Variants in JAKMIP1 observed in about 807,000 individuals in gnomAD.
JAKMIP1 encodes the protein janus kinase and microtubule-interacting protein 1.
Under a neutral mutation model 113.0 loss-of-function variants are expected in JAKMIP1, and 33 were observed. The observed-to-expected ratio is 0.29, with a 90% CI of 0.22 to 0.39. The LOEUF (loss-of-function observed/expected upper bound fraction) is 0.39. Among genes scored for constraint, JAKMIP1 ranks in the 10% least tolerant of loss-of-function variants. The pLI is 1.00. For synonymous variants in JAKMIP1, 480 were observed against 459.9 expected, an observed-to-expected ratio of 1.04 and a Z score of -0.56; for missense variants, 813 against 1,080.5, an observed-to-expected ratio of 0.75 and a Z score of 3.47.
At position 6,142,393 on chromosome 4, in the gene JAKMIP1, C is replaced by T. The variant is rs559647389; in HGVS notation, c.-147-29396G>A. ...GCAGTTTCTCGTGTTCTGTCCTTCCCGAGTCCAGTGTTTTTTAAACGACTG... is the reference window on the plus strand; with the variant it reads ...GCAGTTTCTCGTGTTCTGTCCTTCCTGAGTCCAGTGTTTTTTAAACGACTG... On this transcript the variant is annotated intron_variant, in intron 1 of 20. Transcript: ENST00000409021. This position sits in a 1 kb window ranked among gnomAD's most constrained non-coding sequence, Gnocchi z 5.5. Among the ~76,000 whole-genome samples, 8 of 152,204 alleles carry T rather than the reference C, an allele frequency of 5.3e-5. No individual in the cohort carries two copies. The highest frequency in any genetic ancestry group is 2.0e-4 in the Admixed American group (3 of 15,284).
At chr4:6,047,991 G>C (rs1284445647) in intron 16 of JAKMIP1, among the ~76,000 whole-genome samples, 1 of 152,168 alleles carries the variant, frequency 6.6e-6, no homozygotes, top group East Asian at 1.9e-4. Flanking sequence ...TTTGTCAAAT[G>C]AATGAATGGA....
intron 1 of JAKMIP1, among the ~76,000 whole-genome samples, chr4:6,174,864 C>T (rs1725155810): frequency 6.6e-6 from 1 of 152,118 alleles, no homozygotes; most frequent in Non-Finnish European, 1.5e-5. Context: ...TGGCCCCTTC[C>T]TCACCCTCTG....
At position 6,064,116 on chromosome 4, in the gene JAKMIP1, T is replaced by C. The variant is rs1338403040; in HGVS notation, c.1431+764A>G. 1.3e-5 allele frequency among the ~76,000 whole-genome samples: 2 copies of C among 152,224 alleles called. No individual in the cohort carries two copies. Reference sequence around the variant, plus strand: ...AAGGTAGGGAAACAGCAGCCAAGCCTGACGCAGGCCCTGGTGGGGAGCAAG... The same window carrying C: ...AAGGTAGGGAAACAGCAGCCAAGCCCGACGCAGGCCCTGGTGGGGAGCAAG... On this transcript the variant is annotated intron_variant, in intron 9 of 20. Coordinates refer to ENST00000409021, the MANE Select transcript of JAKMIP1 (RefSeq NM_001099433.2). The surrounding 1 kb of genome is among the most constrained non-coding windows in gnomAD (Gnocchi z 4.3).
At chr4:6,035,480 C>T (rs1446430822) in intron 19 of JAKMIP1, among the ~76,000 whole-genome samples, 3 of 152,278 alleles carry the variant, frequency 2.0e-5, no homozygotes, top group Admixed American at 6.5e-5. Context: ...CAACATCGAA[C>T]CTTGGAAGAC....
intron 1 of JAKMIP1, among the ~76,000 whole-genome samples, chr4:6,152,103 AGAAGGGAGAGAG>A (rs1721635628): frequency 6.6e-6 from 1 of 151,370 alleles, no homozygotes; most frequent in African/African-American, 2.4e-5. Context: ...AGGGGAAGGA[AGAAGGGAGAGAG>A]GAAGGAAGAG....
In JAKMIP1 at chr4:6,155,846, C is replaced by T. The variant is rs74738226; in HGVS notation, c.-147-42849G>A. On this transcript the variant is annotated intron_variant, in intron 1 of 20. Transcript: ENST00000409021. The surrounding 1 kb of genome is among the most constrained non-coding windows in gnomAD (Gnocchi z 6.1). Reference sequence around the variant, plus strand: ...AACATGCAGCCTTCCTGGGTCCTGCCCTAGACCTCATGAATGGCACTCTCT... The same window carrying T: ...AACATGCAGCCTTCCTGGGTCCTGCTCTAGACCTCATGAATGGCACTCTCT... Among the ~76,000 whole-genome samples the T allele has an allele frequency of 0.063, 9,570 of 152,122 alleles. 441 individuals carry two copies. Among genetic ancestry groups the T allele is most frequent in the Admixed American group, 0.14 (2,205 of 15,292 alleles).
Position 6,112,718 on chromosome 4 carries a change from C to T in JAKMIP1, c.129+4G>A. The stretch of plus-strand genomic sequence containing the variant: ...GCCGCTGCTGAGCTGACGCCAACCC[C>T]CACCTTGCTTTTTTCCTGCTGGAAC... On this transcript the variant is annotated splice_donor_region_variant and intron_variant, in intron 2 of 20. Coordinates refer to ENST00000409021, the MANE Select transcript of JAKMIP1 (RefSeq NM_001099433.2). The T allele has an allele frequency of 2.5e-6, 4 of 1,613,500 alleles. No individual in the cohort carries two copies. Among genetic ancestry groups the T allele is most frequent in the Non-Finnish European group, 3.4e-6 (4 of 1,179,854 alleles).
In JAKMIP1 at chr4:6,167,177, G is replaced by C. The variant is rs1446380226; in HGVS notation, c.-148+33076C>G. On this transcript the variant is annotated intron_variant, in intron 1 of 20. Transcript: ENST00000409021. The surrounding 1 kb of genome is among the most constrained non-coding windows in gnomAD (Gnocchi z 5.3). ...CCTTCCAGGGCCCTGCCTCCGCAAA[G>C]AGCACGATGTTCTGGCCACTCATCC... 2.0e-5 allele frequency among the ~76,000 whole-genome samples: 3 copies of C among 152,128 alleles called. 1 individual carries two copies. The East Asian group carries it at 5.8e-4, about 29-fold the overall frequency.
chr4:6,112,913 G>A lies in JAKMIP1; in HGVS notation c.-63C>T, dbSNP rs560615118. 30 of 1,573,052 alleles carry A rather than the reference G, an allele frequency of 1.9e-5. No homozygotes were observed. The South Asian group carries it at 3.2e-4, about 17-fold the overall frequency. ...CACACCTGTTCACGCACGCCAGCCA[G>A]CAGGCGTGGCTACCAGCTCCACCGT... is the stretch of plus-strand genomic sequence containing the variant. On this transcript the variant is annotated 5_prime_UTR_variant, in exon 2 of 21. Transcript: ENST00000409021.
At chr4:6,098,261 T>C (rs542622754) in intron 3 of JAKMIP1, among the ~76,000 whole-genome samples, 88 of 152,112 alleles carry the variant, frequency 5.8e-4, no homozygotes, top group Non-Finnish European at 1.1e-3. Context: ...CGAAGCCCTG[T>C]CTCTACTAAA....
Position 6,054,119 on chromosome 4 carries a change from C to A in JAKMIP1, c.1737G>T (p.Gln579His). 1 of 1,614,178 alleles carries A rather than the reference C, an allele frequency of 6.2e-7. No homozygotes were observed. The highest frequency in any genetic ancestry group is 8.5e-7 in the Non-Finnish European group (1 of 1,180,008). The change falls in exon 13 of 21, where the codon CAG becomes CAT. Residue 579 changes from glutamine to histidine, a missense_variant. Transcript: ENST00000409021. ...TGGCGTCTTGCATTTCATTCTTCAGCTGGTTCTCTTCCATTTCCAGTCTGT... is the reference window on the plus strand; with the variant it reads ...TGGCGTCTTGCATTTCATTCTTCAGATGGTTCTCTTCCATTTCCAGTCTGT... ...KIYRLEMEEN[Q>H]LKNEMQDAKD...
In JAKMIP1 at chr4:6,033,076, CT is replaced by C. The variant is rs1181774254; in HGVS notation, c.2379+2827del. ...ACTCCAACCTTCACTCAGGCAGAAC[CT>C]TTTACAAAAGTGCAGAATCATTCCG... is the stretch of plus-strand genomic sequence containing the variant. On this transcript the variant is annotated intron_variant, in intron 19 of 20. Transcript: ENST00000409021. Among the ~76,000 whole-genome samples, 4 of 152,336 alleles carry C rather than the reference CT, an allele frequency of 2.6e-5. No homozygotes were observed. In the East Asian group the frequency reaches 7.7e-4, roughly 29 times the overall value.
intron 19 of JAKMIP1, among the ~76,000 whole-genome samples, chr4:6,032,129 T>C (rs1018832937): frequency 2.0e-5 from 3 of 152,154 alleles, no homozygotes; most frequent in Non-Finnish European, 4.4e-5. Context: ...GATCTCTCTG[T>C]GTCTGGACCC....
At position 6,150,614 on chromosome 4, in the gene JAKMIP1, G is replaced by C. The variant is rs965534329; in HGVS notation, c.-147-37617C>G. On this transcript the variant is annotated intron_variant, in intron 1 of 20. Transcript: ENST00000409021. This position sits in a 1 kb window ranked among gnomAD's most constrained non-coding sequence, Gnocchi z 4.8. ...CTCCTGACCTTCATGAACAGACCAC[G>C]GGGCCGGCAGCACCTGCATCAGCGT... 2 of 152,184 alleles carry C rather than the reference G, an allele frequency of 1.3e-5. No individual in the cohort carries two copies. Among genetic ancestry groups the C allele is most frequent in the Middle Eastern group, 3.2e-3 (1 of 316 alleles). The allele number at this position is 152,184 out of a possible 1,614,324, so 9.4% of individuals were successfully genotyped here. A position where few individuals can be genotyped will look rare whatever the true frequency, so the allele number is the denominator to read the frequency against.
intron 1 of JAKMIP1, among the ~76,000 whole-genome samples, chr4:6,122,314 A>G (rs1716831648): frequency 6.6e-6 from 1 of 152,122 alleles, no homozygotes; most frequent in Non-Finnish European, 1.5e-5. Context: ...CGACAGAGTG[A>G]GACCCTGTCT....
intron 1 of JAKMIP1, among the ~76,000 whole-genome samples, chr4:6,126,095 A>AAC (rs1266191173): frequency 2.8e-5 from 4 of 144,060 alleles, no homozygotes; most frequent in Non-Finnish European, 6.0e-5. Flanking sequence ...ACCATACAGA[A>AAC]ACACACACAC....
chr4:6,040,234 A>G lies in JAKMIP1; in HGVS notation c.2175+405T>C, dbSNP rs989161373. On this transcript the variant is annotated intron_variant, in intron 18 of 20. Transcript: ENST00000409021. The surrounding 1 kb of genome is among the most constrained non-coding windows in gnomAD (Gnocchi z 5.8). The stretch of plus-strand genomic sequence containing the variant: ...ATACCTCGTCCCTTCGGTTCTGAAA[A>G]TCACCTGGCTTCATCTAATTGCTTT... Among the ~76,000 whole-genome samples the G allele has an allele frequency of 2.0e-5, 3 of 152,158 alleles. No homozygotes were observed. The highest frequency in any genetic ancestry group is 7.2e-5 in the African/African-American group (3 of 41,450).
chr4:6,092,817 G>T (rs547771847), intron 3 of JAKMIP1, among the ~76,000 whole-genome samples: 1 of 152,158 alleles, frequency 6.6e-6, no homozygotes, highest in Non-Finnish European at 1.5e-5. Flanking sequence ...AGGTGCAGGG[G>T]CCTCGATTCT....
intron 1 of JAKMIP1, among the ~76,000 whole-genome samples, chr4:6,152,483 C>T (rs1194439458): frequency 2.0e-5 from 3 of 152,114 alleles, no homozygotes; most frequent in East Asian, 1.9e-4. Flanking sequence ...AGTTTGTGTC[C>T]GCACGAATAA....
Sources: allele counts gnomAD v4.1 joint callset (sites outside exome capture counted in the v4.1 genomes callset), GRCh38; gene constraint gnomAD v4.1.1; non-coding constraint Gnocchi (gnomAD v3.1); transcripts MANE v1.5; gene names NCBI Gene and HGNC (gene_info 2026-07-23, HGNC 2026-07-21).